RBPMS: variants seen among roughly 807,000 people sequenced by gnomAD.
The protein encoded by RBPMS is RNA-binding protein with multiple splicing.
In RBPMS, 7 loss-of-function variants were observed where a neutral mutation model predicts 26.8. The observed-to-expected ratio is 0.26, with a 90% CI of 0.15 to 0.49. The LOEUF is 0.49. RBPMS is among the 20% of genes least tolerant of loss of function. The pLI is 0.98. For missense variants in RBPMS, 186 were observed against 250.0 expected (o/e 0.74, Z 1.73); for synonymous variants, 96 against 93.3 (o/e 1.03, Z -0.17).
At chr8:30,524,601 T>G (rs1335532140) in intron 5 of RBPMS, among the ~76,000 whole-genome samples, 1 of 152,114 alleles carries the variant, frequency 6.6e-6, no homozygotes, top group Non-Finnish European at 1.5e-5. Flanking sequence ...GAAAGGCAGA[T>G]ATAAGTAGGG....
intron 1 of RBPMS, among the ~76,000 whole-genome samples, chr8:30,465,089 G>A (rs1352445076): frequency 6.6e-6 from 1 of 152,198 alleles, no homozygotes; most frequent in Non-Finnish European, 1.5e-5. Flanking sequence ...CTAGAGGATG[G>A]AGTAAGAACA....
intron 4 of RBPMS, among the ~76,000 whole-genome samples, chr8:30,491,616 CTG>C (rs1361469642): frequency 6.6e-6 from 1 of 152,032 alleles, no homozygotes; most frequent in Non-Finnish European, 1.5e-5. Flanking sequence ...GTTTAGGCAA[CTG>C]TTTTTTTTCA....
chr8:30,467,573 C>G (rs898275985), intron 1 of RBPMS, among the ~76,000 whole-genome samples: 1 of 151,714 alleles, frequency 6.6e-6, no homozygotes, highest in African/African-American at 2.4e-5. Context: ...GCAAGAATAC[C>G]CCTTTGACTG....
chr8:30,469,250 C>G lies in RBPMS; in HGVS notation c.67-5529C>G, dbSNP rs181373376. Among the ~76,000 whole-genome samples, 91 of 152,348 alleles carry G rather than the reference C, an allele frequency of 6.0e-4. 1 individual carries two copies. The highest frequency in any genetic ancestry group is 1.5e-4 in the Non-Finnish European group (10 of 68,032). On this transcript the variant is annotated intron_variant, in intron 1 of 8. Coordinates refer to ENST00000397323, the MANE Select transcript of RBPMS (RefSeq NM_001008710.3). ...ATTTCAAGGCCTGCTTTTGGCCTTT[C>G]TCTCCAGGGAAGCTCAAGACTGCCA...
At chr8:30,559,706 A>G (rs374464632) in intron 7 of RBPMS, among the ~76,000 whole-genome samples, 5 of 152,340 alleles carry the variant, frequency 3.3e-5, no homozygotes, top group African/African-American at 1.2e-4. Context: ...TTTTAGTTCC[A>G]CCATCAGTCT....
intron 8 of RBPMS, among the ~76,000 whole-genome samples, chr8:30,566,866 T>C (rs1265496626): frequency 6.6e-6 from 1 of 152,146 alleles, no homozygotes; most frequent in Non-Finnish European, 1.5e-5. Flanking sequence ...TGAATCAGAA[T>C]TCACAATTAA....
intron 3 of RBPMS, among the ~76,000 whole-genome samples, chr8:30,478,431 T>C (rs946152800): frequency 7.9e-5 from 12 of 152,056 alleles, no homozygotes; most frequent in Non-Finnish European, 1.3e-4. Flanking sequence ...CCTTCTGTAC[T>C]GAAAGATAGG....
At chr8:30,490,781 A>G (rs1819307813) in intron 4 of RBPMS, among the ~76,000 whole-genome samples, 1 of 152,140 alleles carries the variant, frequency 6.6e-6, no homozygotes, top group Non-Finnish European at 1.5e-5. Context: ...ATTCAGCCTC[A>G]GTTTGGTTAG....
intron 1 of RBPMS, among the ~76,000 whole-genome samples, chr8:30,440,642 T>A (rs1485557539): frequency 6.6e-6 from 1 of 152,190 alleles, no homozygotes; most frequent in Admixed American, 6.5e-5. Context: ...GCAAACGTCT[T>A]TTTGAGATAC....
At chr8:30,531,076 A>G (rs1161968749) in intron 5 of RBPMS, among the ~76,000 whole-genome samples, 1 of 151,768 alleles carries the variant, frequency 6.6e-6, no homozygotes, top group Non-Finnish European at 1.5e-5. Context: ...ATAATAGTGG[A>G]CCATTTTATA....
chr8:30,448,514 A>G (rs1210766564), intron 1 of RBPMS, among the ~76,000 whole-genome samples: 2 of 152,228 alleles, frequency 1.3e-5, no homozygotes, highest in East Asian at 1.9e-4. Context: ...AAGTCAAGGC[A>G]TGTTTTCTGT....
chr8:30,566,096 C>A, intron 7 of RBPMS, 161 bp from the exon 8 acceptor site: 1 of 174,340 alleles, frequency 5.7e-6, no homozygotes, highest in Non-Finnish European at 1.1e-5. Context: ...GGCCATTCTG[C>A]AGCAGCCTCT....
chr8:30,418,456 T>C (rs1810355836), intron 1 of RBPMS, among the ~76,000 whole-genome samples: 1 of 152,208 alleles, frequency 6.6e-6, no homozygotes, highest in East Asian at 1.9e-4. Flanking sequence ...ATTTTTCTTA[T>C]TAAAGAAGTG....
chr8:30,391,293 G>A (rs1807764189), intron 1 of RBPMS, among the ~76,000 whole-genome samples: 1 of 152,250 alleles, frequency 6.6e-6, no homozygotes, highest in Non-Finnish European at 1.5e-5. Context: ...GCTTCCAGAA[G>A]CCTTGGTTAG....
At chr8:30,524,178 C>T (rs1823338175) in intron 5 of RBPMS, among the ~76,000 whole-genome samples, 1 of 152,106 alleles carries the variant, frequency 6.6e-6, no homozygotes, top group Non-Finnish European at 1.5e-5. Context: ...TCAAGAGGCA[C>T]ATAAGGATTA....
intron 1 of RBPMS, among the ~76,000 whole-genome samples, chr8:30,415,674 TG>T (rs1331146338): frequency 6.6e-6 from 1 of 152,180 alleles, no homozygotes; most frequent in African/African-American, 2.4e-5. Flanking sequence ...AGTATAGGCT[TG>T]GCTGGAAAGT....
intron 4 of RBPMS, among the ~76,000 whole-genome samples, chr8:30,480,838 C>G (rs981302349): frequency 6.6e-6 from 1 of 152,292 alleles, no homozygotes; most frequent in African/African-American, 2.4e-5. Context: ...TTTATTTTAA[C>G]CAGGTGGGAA....
At chr8:30,513,587 CAAAAAAAAAAAAA>C (rs56184994) in intron 5 of RBPMS, among the ~76,000 whole-genome samples, 36,920 of 109,046 alleles carry the variant, frequency 0.34, 5,373 homozygotes, top group African/African-American at 0.43. Flanking sequence ...GACTCCATCT[CAAAAAAAAAAAAA>C]AAAAAAAAAA....
intron 1 of RBPMS, among the ~76,000 whole-genome samples, chr8:30,421,954 CAAAAAAG>C (rs35091702): frequency 0.78 from 115,539 of 148,538 alleles, 45,036 homozygotes; most frequent in African/African-American, 0.85. Flanking sequence ...GACTCTGTCT[CAAAAAAG>C]AAAAAAGAAA....
Sources: allele counts gnomAD v4.1 joint callset (sites outside exome capture counted in the v4.1 genomes callset), GRCh38; gene constraint gnomAD v4.1.1; transcripts MANE v1.5; gene names NCBI Gene and HGNC (gene_info 2026-07-23, HGNC 2026-07-21).